Variants in ANK2 observed in about 807,000 individuals in gnomAD.
ANK2 encodes ankyrin 2.
ANK2 carries 83 observed loss-of-function variants against 360.5 expected under a neutral mutation model. The ratio of observed to expected loss-of-function variants is 0.23; its 90% CI spans 0.19 to 0.28. The LOEUF is 0.28. Among genes scored for constraint, ANK2 ranks in the 10% least tolerant of loss-of-function variants. ANK2 has a pLI of 1.00. For missense variants in ANK2, 4,201 were observed against 4,795.7 expected (o/e 0.88, Z 3.66); for synonymous variants, 1,740 against 1,759.5 (o/e 0.99, Z 0.28).
At chr4:113,331,175 T>C (rs2092354603) in intron 27 of ANK2, among the ~76,000 whole-genome samples, 1 of 152,194 alleles carries the variant, frequency 6.6e-6, no homozygotes, top group African/African-American at 2.4e-5. Flanking sequence ...GGATGAAGTT[T>C]TGGAGGGGGA....
At chr4:113,370,089 C>G (rs554769196) in intron 43 of ANK2, among the ~76,000 whole-genome samples, 26 of 152,216 alleles carry the variant, frequency 1.7e-4, no homozygotes, top group South Asian at 8.3e-4. Context: ...AACAATATAT[C>G]TGGAGGAGCT....
chr4:112,934,856 G>C (rs1203739597), intron 2 of ANK2, among the ~76,000 whole-genome samples: 1 of 152,184 alleles, frequency 6.6e-6, no homozygotes, highest in Non-Finnish European at 1.5e-5. Context: ...AGAGTGCTGG[G>C]AATAGGAAGG....
At chr4:113,162,526 C>T (rs1467307826) in intron 1 of ANK2, among the ~76,000 whole-genome samples, 1 of 152,124 alleles carries the variant, frequency 6.6e-6, no homozygotes, top group Non-Finnish European at 1.5e-5. Context: ...ACTTGCTATT[C>T]CCTGGGCTGG....
intron 1 of ANK2, among the ~76,000 whole-genome samples, chr4:112,902,812 T>A (rs1486351925): frequency 6.6e-6 from 1 of 152,226 alleles, no homozygotes; most frequent in Non-Finnish European, 1.5e-5. Flanking sequence ...CCTATTAAGG[T>A]TTATGTGAAT....
chr4:113,154,538 A>T (rs1366955942), intron 1 of ANK2, among the ~76,000 whole-genome samples: 1 of 152,228 alleles, frequency 6.6e-6, no homozygotes, highest in Non-Finnish European at 1.5e-5. Flanking sequence ...GATGATTAAC[A>T]AAATTCTTCT....
intron 2 of ANK2, among the ~76,000 whole-genome samples, chr4:112,931,876 A>T (rs1368723825): frequency 1.3e-5 from 2 of 152,214 alleles, no homozygotes; most frequent in African/African-American, 2.4e-5. Flanking sequence ...AGTGACATGA[A>T]ATCAAACAAT....
intron 26 of ANK2, among the ~76,000 whole-genome samples, chr4:113,326,502 T>A (rs530742875): frequency 6.6e-6 from 1 of 152,192 alleles, no homozygotes; most frequent in Non-Finnish European, 1.5e-5. Flanking sequence ...TTATAAACAG[T>A]TTTACTCATT....
At chr4:113,312,235 A>G (rs2080397683) in intron 24 of ANK2, among the ~76,000 whole-genome samples, 3 of 151,578 alleles carry the variant, frequency 2.0e-5, no homozygotes, top group African/African-American at 7.3e-5. Context: ...CCCAGAATTC[A>G]AGTCCAGGCT....
At chr4:113,351,001 T>G (rs1474001677) in intron 37 of ANK2, among the ~76,000 whole-genome samples, 1 of 152,132 alleles carries the variant, frequency 6.6e-6, no homozygotes, top group Admixed American at 6.6e-5. Context: ...TGACAGACCT[T>G]AAAAGAGCTA....
the ANK2 span, among the ~76,000 whole-genome samples, chr4:112,742,095 A>G: frequency 2.6e-5 from 4 of 151,950 alleles, no homozygotes; most frequent in Non-Finnish European, 4.4e-5. Context: ...AGTTCAAACC[A>G]GTCTGGGCAA....
At chr4:112,924,075 A>G (rs1056429916) in intron 2 of ANK2, among the ~76,000 whole-genome samples, 1 of 152,230 alleles carries the variant, frequency 6.6e-6, no homozygotes, top group African/African-American at 2.4e-5. Context: ...AAACATCTCT[A>G]AAAGATGTGA....
intron 2 of ANK2, among the ~76,000 whole-genome samples, chr4:113,177,875 A>G (rs1181913379): frequency 1.3e-5 from 2 of 152,204 alleles, no homozygotes; most frequent in African/African-American, 2.4e-5. Flanking sequence ...ATATTTTTCT[A>G]ACTTGTAAAA....
At chr4:112,814,798 T>C (rs1330867442), upstream of ANK2, among the ~76,000 whole-genome samples, 3 of 152,176 alleles carry the variant, frequency 2.0e-5, no homozygotes, top group Admixed American at 6.5e-5. Flanking sequence ...CTTTTGAATA[T>C]TAAACCTTTG....
intron 2 of ANK2, among the ~76,000 whole-genome samples, chr4:113,043,240 C>T (rs906891302): frequency 6.6e-6 from 1 of 152,056 alleles, no homozygotes; most frequent in South Asian, 2.1e-4. Context: ...CTTGCCTGGC[C>T]CATGATCCTC....
At chr4:112,954,437 A>T (rs1327665454) in intron 2 of ANK2, among the ~76,000 whole-genome samples, 1 of 152,158 alleles carries the variant, frequency 6.6e-6, no homozygotes, top group Non-Finnish European at 1.5e-5. Context: ...ATTTAATGAA[A>T]AGGATTGTGC....
chr4:113,335,117 A>C (rs2093323560), intron 29 of ANK2, among the ~76,000 whole-genome samples: 1 of 152,196 alleles, frequency 6.6e-6, no homozygotes, highest in Admixed American at 6.5e-5. Flanking sequence ...TTCTAAATTT[A>C]AACTAGTTTG....
chr4:112,779,845 T>C, the ANK2 span, among the ~76,000 whole-genome samples: 1 of 152,232 alleles, frequency 6.6e-6, no homozygotes, highest in Non-Finnish European at 1.5e-5. Context: ...AAGGGGTTTC[T>C]TGCAGGGCAT....
At chr4:113,051,465 C>A (rs535791898) in intron 1 of ANK2, among the ~76,000 whole-genome samples, 2 of 152,234 alleles carry the variant, frequency 1.3e-5, no homozygotes, top group South Asian at 4.1e-4. Context: ...TATCTTTAAG[C>A]TGAATTTTCT....
At chr4:112,847,193 A>G (rs1312760746) in intron 1 of ANK2, among the ~76,000 whole-genome samples, 1 of 152,180 alleles carries the variant, frequency 6.6e-6, no homozygotes, top group Non-Finnish European at 1.5e-5. Flanking sequence ...AGGTCTACAG[A>G]TCCGGCTGCT....
Sources: allele counts gnomAD v4.1 joint callset (sites outside exome capture counted in the v4.1 genomes callset), GRCh38; gene constraint gnomAD v4.1.1; transcripts MANE v1.5; gene names NCBI Gene and HGNC (gene_info 2026-07-23, HGNC 2026-07-21).